MICAL2: variants seen among roughly 807,000 people sequenced by gnomAD.
The protein encoded by MICAL2 is microtubule associated monooxygenase, calponin and LIM domain containing 2, also known as [F-actin]-monooxygenase MICAL2.
MICAL2 carries 77 observed loss-of-function variants against 127.3 expected under a neutral mutation model. The ratio of observed to expected loss-of-function variants is 0.60; its 90% CI spans 0.50 to 0.73. The LOEUF (loss-of-function observed/expected upper bound fraction) is 0.73, where lower values mean the gene tolerates loss of function less well. MICAL2 is among the 30% of genes least tolerant of loss of function. The pLI is 0.00. For synonymous variants in MICAL2, 570 were observed against 551.1 expected (o/e 1.03, Z -0.48); for missense variants, 1,351 against 1,434.4 (o/e 0.94, Z 0.94).
chr11:12,153,528 C>T (rs909192789), intron 2 of MICAL2, among the ~76,000 whole-genome samples: 5 of 152,158 alleles, frequency 3.3e-5, no homozygotes, highest in Non-Finnish European at 5.9e-5. Context: ...ACCTCCACCT[C>T]CCAGGTTCAA....
intron 32 of MICAL2, among the ~76,000 whole-genome samples, chr11:12,340,538 T>TAC (rs1224253636): frequency 6.6e-6 from 1 of 152,196 alleles, no homozygotes; most frequent in African/African-American, 2.4e-5. Flanking sequence ...TCCTAATATA[T>TAC]ACTCCAGAGA....
chr11:12,133,072 G>C (rs1366872706), intron 1 of MICAL2, among the ~76,000 whole-genome samples: 1 of 151,996 alleles, frequency 6.6e-6, no homozygotes, highest in Non-Finnish European at 1.5e-5. Flanking sequence ...TTTTTCTGTT[G>C]CTTTGTATTT....
chr11:12,151,330 G>A (rs1487989247), intron 2 of MICAL2, among the ~76,000 whole-genome samples: 4 of 152,042 alleles, frequency 2.6e-5, no homozygotes, highest in East Asian at 1.9e-4. Context: ...GTAAAATGAC[G>A]GACCCGGTTG....
chr11:12,298,285 A>C (rs147356561), intron 29 of MICAL2, among the ~76,000 whole-genome samples: 516 of 152,114 alleles, frequency 3.4e-3, no homozygotes, highest in African/African-American at 0.012. Flanking sequence ...TTTCCAGTTT[A>C]TCATTCTACT....
chr11:12,294,907 G>T (rs1216408612), downstream of MICAL2: 1 of 1,412,552 alleles, frequency 7.1e-7, no homozygotes, highest in Admixed American at 3.0e-5. Flanking sequence ...TGGGCAGTTA[G>T]TAATCTTCAT....
rs1033318267 is a variant in MICAL2, at chr11:12,301,106, A to G, written c.5212+6249A>G. 2.0e-5 allele frequency among the ~76,000 whole-genome samples: 3 copies of G among 152,228 alleles called. No individual in the cohort carries two copies. In the East Asian group the frequency reaches 5.8e-4, roughly 29 times the overall value. ...CAAGAGAAAATGAGGAAGATGTGAA[A>G]GAGTAAACCCCTAATAAAACCATCA... On this transcript the variant is annotated intron_variant, in intron 29 of 34. Transcript: ENST00000646065.
At position 12,222,733 on chromosome 11, in the gene MICAL2, G is replaced by A. The variant is rs749560812; in HGVS notation, c.1439G>A (p.Arg480Lys). Residue 480 changes from arginine to lysine, a missense_variant, in exon 11 of 28, where the codon AGG becomes AAG. Arg to Lys is a conservative substitution (Grantham distance 26, BLOSUM62 2). Transcript: ENST00000683283. ...RYPNLNSHCVRPHQVKHLYIT... is the reference protein window; with the variant it reads ...RYPNLNSHCVKPHQVKHLYIT... Reference sequence around the variant, plus strand: ...CCAAACCTCAACTCACACTGTGTCAGGCCCCATCAGGCAAGTCCATTGCTG... The same window carrying A: ...CCAAACCTCAACTCACACTGTGTCAAGCCCCATCAGGCAAGTCCATTGCTG... 4.3e-6 allele frequency: 7 copies of A among 1,614,036 alleles called. No homozygotes were observed. Among genetic ancestry groups the A allele is most frequent in the East Asian group, 2.2e-5 (1 of 44,886 alleles).
Position 12,319,142 on chromosome 11 carries a change from G to A in MICAL2, c.5213-554G>A, listed in dbSNP as rs551912996. 9.2e-5 allele frequency among the ~76,000 whole-genome samples: 14 copies of A among 151,852 alleles called. No individual in the cohort carries two copies. In the South Asian group the frequency reaches 2.7e-3, roughly 29 times the overall value. Reference sequence around the variant, plus strand: ...GTCCTTTTGCTTCTGATTACATTTGGGATTTTTTTTTTCTATGACCAGACA... The same window carrying A: ...GTCCTTTTGCTTCTGATTACATTTGAGATTTTTTTTTTCTATGACCAGACA... On this transcript the variant is annotated intron_variant, in intron 29 of 34. Coordinates refer to the MICAL2 transcript ENST00000646065.
rs148517207 is a variant in MICAL2 at position 12,259,867 on chromosome 11, G to T, written c.3304G>T (p.Ala1102Ser). The T allele has an allele frequency of 6.2e-7, 1 of 1,609,570 alleles. No individual in the cohort carries two copies. Among genetic ancestry groups the T allele is most frequent in the African/African-American group, 1.3e-5 (1 of 74,792 alleles). Residue 1102 changes from alanine (A) to serine (S), a missense_variant, in exon 26 of 28, where the codon GCC becomes TCC. Ala to Ser is a moderately conservative substitution (Grantham distance 99). Transcript: ENST00000683283. ...TPTESSCAVA[A>S]IGTLEGSPPV... ...CACCGAAAGTTCTTGCGCAGTGGCC[G>T]CCATTGGCACCCTGGAAGGCAGCCC...
intron 32 of MICAL2, among the ~76,000 whole-genome samples, chr11:12,340,592 A>G (rs1406456493): frequency 6.6e-6 from 1 of 152,236 alleles, no homozygotes; most frequent in Non-Finnish European, 1.5e-5. Flanking sequence ...AAGAATGCTC[A>G]TAACAGCATC....
intron 3 of MICAL2, among the ~76,000 whole-genome samples, chr11:12,188,380 T>C (rs1350432388): frequency 2.0e-5 from 3 of 152,238 alleles, no homozygotes; most frequent in Admixed American, 2.0e-4. Context: ...AACTGGTGGC[T>C]GTTTTGCCTT....
chr11:12,164,932 C>T (rs532502367), intron 3 of MICAL2, among the ~76,000 whole-genome samples: 32 of 152,110 alleles, frequency 2.1e-4, no homozygotes, highest in African/African-American at 6.3e-4. Context: ...GTCAGGAGTT[C>T]GAGATCAGCC....
In MICAL2 at chr11:12,259,838, C is replaced by T. The variant is rs1862858783; in HGVS notation, c.3275C>T (p.Thr1092Ile). ...WQEQEAPRRD[T>I]PTESSCAVAA... ...GAGCAGGAAGCCCCTCGGAGAGACA[C>T]TCCCACCGAAAGTTCTTGCGCAGTG... The change falls in exon 26 of 28, where the codon ACT becomes ATT. Residue 1092 changes from threonine (T) to isoleucine (I), a missense_variant. Physicochemically the swap from Thr to Ile is moderately conservative, Grantham distance 89. Transcript: ENST00000683283. 1 of 1,595,550 alleles carries T rather than the reference C, an allele frequency of 6.3e-7. No homozygotes were observed. Among genetic ancestry groups the T allele is most frequent in the Non-Finnish European group, 8.6e-7 (1 of 1,169,588 alleles).
rs1198146373 is a variant in MICAL2, at chr11:12,224,659, T to C, written c.1541-14T>C. ...TCCTGCAGAGCCTCACTGCCTGCGC[T>C]CTCCTTCTTGCAGAGTCAGATATCC... On this transcript the variant is annotated splice_polypyrimidine_tract_variant and intron_variant, in intron 12 of 27. Transcript: ENST00000683283. 6.2e-7 allele frequency: 1 copy of C among 1,611,726 alleles called. No individual in the cohort carries two copies.
At chr11:12,249,770 G>A (rs1861293544) in intron 22 of MICAL2, among the ~76,000 whole-genome samples, 2 of 152,252 alleles carry the variant, frequency 1.3e-5, no homozygotes, top group East Asian at 1.9e-4. Flanking sequence ...CAGCGGAGAA[G>A]TGTAGCCGGG....
chr11:12,204,375 G>A lies in MICAL2; in HGVS notation c.390G>A (p.Trp130Ter). The A allele has an allele frequency of 6.2e-7, 1 of 1,612,524 alleles. No homozygotes were observed. The highest frequency in any genetic ancestry group is 8.5e-7 in the Non-Finnish European group (1 of 1,178,952). ...SFSRNNVLHLWPFTIHDLRGL... is the reference protein window; with the variant it reads ...SFSRNNVLHL ...CCCGGAACAACGTGCTACACCTCTG[G>A]CCTTTCACCATCCATGACCTTCGTG... The change falls in exon 4 of 28, where the codon TGG (tryptophan) becomes TGA (stop). Residue 130 changes from tryptophan to a stop codon, truncating the protein, a stop_gained. Coordinates refer to ENST00000683283, the MANE Select transcript of MICAL2 (RefSeq NM_001282663.2). LOFTEE classifies it high-confidence loss of function.
chr11:12,240,714 C>A (rs1029202490), intron 17 of MICAL2, among the ~76,000 whole-genome samples: 3 of 152,222 alleles, frequency 2.0e-5, no homozygotes, highest in South Asian at 4.1e-4. Context: ...GCCAGCCACC[C>A]TGGCCTAGCC....
At chr11:12,133,030 G>A (rs1439235205) in intron 1 of MICAL2, among the ~76,000 whole-genome samples, 3 of 152,070 alleles carry the variant, frequency 2.0e-5, no homozygotes, top group Admixed American at 6.5e-5. Flanking sequence ...GCATATTTTG[G>A]TTCTTAGTTT....
chr11:12,304,564 G>A (rs747011375), intron 29 of MICAL2, among the ~76,000 whole-genome samples: 31 of 152,088 alleles, frequency 2.0e-4, no homozygotes, highest in Non-Finnish European at 3.7e-4. Context: ...GAACTTGGGA[G>A]ACTGAGGTTG....
Sources: gnomAD v4.1 joint callset for allele counts (sites outside exome capture counted in the v4.1 genomes callset) on GRCh38, gnomAD v4.1.1 for gene constraint, MANE v1.5 for transcripts, NCBI Gene and HGNC (gene_info 2026-07-23, HGNC 2026-07-21) for gene names.